The following MYO16 variants were observed in gnomAD, a reference collection of about 807,000 sequenced individuals.
MYO16 encodes the protein unconventional myosin-XVI.
A neutral mutation model predicts 205.3 loss-of-function variants in MYO16; 94 were observed. The ratio of observed to expected loss-of-function variants is 0.46; its 90% confidence interval spans 0.39 to 0.54. The LOEUF (loss-of-function observed/expected upper bound fraction) is 0.54, where lower values mean the gene tolerates loss of function less well. Among genes scored for constraint, MYO16 ranks in the 20% least tolerant of loss-of-function variants. The probability of loss-of-function intolerance (pLI) is 0.00; values close to 1 mark genes in which losing one functional copy is unlikely to be tolerated. For synonymous variants in MYO16, 988 were observed against 954.0 expected (o/e 1.04, Z -0.66); for missense variants, 2,315 against 2,387.5 (o/e 0.97, Z 0.63).
intron 23 of MYO16, among the ~76,000 whole-genome samples, chr13:109,046,485 A>G (rs1302124974): frequency 3.9e-5 from 6 of 152,204 alleles, no homozygotes; most frequent in Middle Eastern, 3.2e-3. Flanking sequence ...ACTTAAGAGT[A>G]CTAATTCTTT....
rs567551258 is a variant in MYO16, at chr13:108,898,055, A to G, written c.1699A>G (p.Thr567Ala). 6.2e-6 allele frequency: 10 copies of G among 1,614,154 alleles called. No individual in the cohort carries two copies. The highest frequency in any genetic ancestry group is 1.3e-5 in the African/African-American group (1 of 75,060). The change falls in exon 15 of 35, where the codon ACA becomes GCA. Residue 567 changes from threonine to alanine, a missense_variant. Transcript: ENST00000457511. ...AGAAGCCTTTGGACATGCCAAGACC[A>G]CACTTAATGATTTGTCCAGTTGCTT... is the stretch of plus-strand genomic sequence containing the variant. The part of the protein sequence containing the change: ...ILEAFGHAKT[T>A]LNDLSSCFIK...
intron 14 of MYO16, among the ~76,000 whole-genome samples, chr13:108,893,076 A>G (rs1279641124): frequency 3.9e-5 from 6 of 152,212 alleles, no homozygotes; most frequent in African/African-American, 1.2e-4. Context: ...AGGTTTGAGC[A>G]TGGCTTAAAT....
intron 23 of MYO16, among the ~76,000 whole-genome samples, chr13:109,023,879 T>C (rs965004178): frequency 7.2e-6 from 1 of 138,888 alleles, no homozygotes; most frequent in Non-Finnish European, 1.5e-5. Context: ...TAAATTTTAT[T>C]AAATACTTAT....
At chr13:109,104,900 T>C (rs1424426555) in intron 28 of MYO16, among the ~76,000 whole-genome samples, 2 of 152,182 alleles carry the variant, frequency 1.3e-5, no homozygotes, top group South Asian at 4.1e-4. Context: ...CTTCTCATCC[T>C]CTTCTCTGCT....
At chr13:108,760,147 A>T (rs187680813) in intron 4 of MYO16, among the ~76,000 whole-genome samples, 1 of 152,346 alleles carries the variant, frequency 6.6e-6, no homozygotes, top group East Asian at 1.9e-4. Flanking sequence ...ACTATCGAAT[A>T]CTAGAATGTA....
At chr13:108,571,451 C>T in the MYO16 span, among the ~76,000 whole-genome samples, 1 of 152,066 alleles carries the variant, frequency 6.6e-6, no homozygotes, top group South Asian at 2.1e-4. Context: ...TCTTAAGAGG[C>T]TAATCATGAG....
intron 31 of MYO16, among the ~76,000 whole-genome samples, chr13:109,137,050 A>C (rs192454620): frequency 9.9e-5 from 15 of 152,160 alleles, no homozygotes; most frequent in Admixed American, 7.9e-4. Context: ...TGGAAGTCAT[A>C]GTCAATTACA....
chr13:109,126,966 T>G (rs1178810636), intron 30 of MYO16, among the ~76,000 whole-genome samples: 1 of 152,248 alleles, frequency 6.6e-6, no homozygotes, highest in African/African-American at 2.4e-5. Flanking sequence ...TGTGAAGAAT[T>G]CATTCAGTGA....
chr13:108,665,939 T>C lies in MYO16; in HGVS notation c.82T>C (p.Cys28Arg), dbSNP rs770004011. 36 of 1,614,006 alleles carry C rather than the reference T, an allele frequency of 2.2e-5. No homozygotes were observed. The highest frequency in any genetic ancestry group is 3.1e-5 in the Non-Finnish European group (36 of 1,179,984). ...ATCCCATGAGATGGAAATCGACCAG[T>C]GCTTGCTAGAGTCCCTTCCCCTTGG... ...FRSHEMEIDQ[C>R]LLESLPLGQR... The change falls in exon 2 of 35, where the codon TGC (cysteine) becomes CGC (arginine). Residue 28 changes from cysteine to arginine, a missense_variant. Transcript: ENST00000457511.
intron 2 of MYO16, among the ~76,000 whole-genome samples, chr13:108,700,054 TG>T (rs1332998522): frequency 6.6e-6 from 1 of 151,964 alleles, no homozygotes; most frequent in East Asian, 1.9e-4. Flanking sequence ...ATTTATAGGC[TG>T]GGCATGGTGG....
chr13:108,952,290 A>G (rs1290828445), intron 16 of MYO16, among the ~76,000 whole-genome samples: 1 of 152,094 alleles, frequency 6.6e-6, no homozygotes, highest in African/African-American at 2.4e-5. Context: ...CTTTCAGGAG[A>G]GGTGGAACAG....
intron 16 of MYO16, among the ~76,000 whole-genome samples, chr13:108,956,818 G>C (rs1470553163): frequency 1.3e-5 from 2 of 152,004 alleles, no homozygotes; most frequent in African/African-American, 4.8e-5. Context: ...CTATCTCTCT[G>C]ATTTTACCTC....
chr13:108,536,220 A>G, the MYO16 span, among the ~76,000 whole-genome samples: 4 of 152,174 alleles, frequency 2.6e-5, no homozygotes, highest in Non-Finnish European at 2.9e-5. Flanking sequence ...GAAGAGAGAA[A>G]CAATTTCAGT....
intron 30 of MYO16, among the ~76,000 whole-genome samples, chr13:109,126,966 T>C (rs1178810636): frequency 6.6e-6 from 1 of 152,248 alleles, no homozygotes; most frequent in East Asian, 1.9e-4. Context: ...TGTGAAGAAT[T>C]CATTCAGTGA....
At chr13:108,600,819 T>C (rs1398448936) in intron 1 of MYO16, among the ~76,000 whole-genome samples, 1 of 152,230 alleles carries the variant, frequency 6.6e-6, no homozygotes, top group East Asian at 1.9e-4. Context: ...GATAACGGTC[T>C]TGCCTTAAAT....
At chr13:108,574,702 TGTGTGTGC>T in the MYO16 span, among the ~76,000 whole-genome samples, 29,920 of 135,892 alleles carry the variant, frequency 0.22, 3,318 homozygotes, top group Admixed American at 0.28. Context: ...TGTGTGTGTG[TGTGTGTGC>T]GCTTGTGTGT....
chr13:108,533,638 C>A, the MYO16 span, among the ~76,000 whole-genome samples: 1 of 152,190 alleles, frequency 6.6e-6, no homozygotes, highest in African/African-American at 2.4e-5. Context: ...GGAATTCTCC[C>A]AGACTCTGTC....
At chr13:109,165,828 C>T (rs755124383) in intron 33 of MYO16, among the ~76,000 whole-genome samples, 13 of 152,154 alleles carry the variant, frequency 8.5e-5, no homozygotes, top group Non-Finnish European at 1.6e-4. Context: ...ACTGCCTTCT[C>T]AAATTACAGG....
chr13:108,604,099 C>T (rs563922211), intron 1 of MYO16, among the ~76,000 whole-genome samples: 4 of 152,026 alleles, frequency 2.6e-5, no homozygotes, highest in African/African-American at 7.2e-5. Context: ...CTTCTAAAAC[C>T]ATCAGATCTT....
Sources: gnomAD v4.1 joint callset for allele counts (sites outside exome capture counted in the v4.1 genomes callset) on GRCh38, gnomAD v4.1.1 for gene constraint, MANE v1.5 for transcripts, NCBI Gene and HGNC (gene_info 2026-07-23, HGNC 2026-07-21) for gene names.